Variants in FAT3 observed in about 807,000 individuals in gnomAD.
FAT3 encodes the protein FAT atypical cadherin 3.
FAT3 carries 95 observed loss-of-function variants against 310.2 expected under a neutral mutation model. That is an observed-to-expected ratio of 0.31 (90% CI 0.26 to 0.36). The LOEUF (loss-of-function observed/expected upper bound fraction) is 0.36. Among genes scored for constraint, FAT3 ranks in the 10% least tolerant of loss-of-function variants. The pLI is 1.00. For synonymous variants in FAT3, 2,314 were observed against 2,192.9 expected, an observed-to-expected ratio of 1.06 and a Z score of -1.54; for missense variants, 5,408 against 5,715.6, an observed-to-expected ratio of 0.95 and a Z score of 1.74.
At chr11:92,817,291 T>G (rs576502539) in intron 13 of FAT3, among the ~76,000 whole-genome samples, 1 of 152,332 alleles carries the variant, frequency 6.6e-6, no homozygotes, top group East Asian at 1.9e-4. Flanking sequence ...ATTTAATACA[T>G]GAATGGGCAG....
chr11:92,365,149 G>T (rs1948985381), intron 2 of FAT3, among the ~76,000 whole-genome samples: 1 of 152,002 alleles, frequency 6.6e-6, no homozygotes, highest in Admixed American at 6.6e-5. Context: ...ATGCACCTGT[G>T]GTCCCAGCTA....
Position 92,867,157 on chromosome 11 carries a change from C to T in FAT3, c.12075C>T (p.Cys4025=), listed in dbSNP as rs1259555690. 3 of 1,598,188 alleles carry T rather than the reference C, an allele frequency of 1.9e-6. No homozygotes were observed. The East Asian group carries it at 6.8e-5, about 36-fold the overall frequency. ...GCTGCGTGCTCTATCCCGACGCCTG[C>T]AAGCGCAGCCCGTGCCAGCACGGGG... ...KLGCVLYPDA[C]KRSPCQHGGS... The change falls in exon 22 of 28, where the codon TGC becomes TGT. Residue 4025 remains cysteine, a synonymous_variant. Transcript: ENST00000525166.
intron 6 of FAT3, among the ~76,000 whole-genome samples, chr11:92,773,258 A>T (rs1169339060): frequency 6.6e-6 from 1 of 152,198 alleles, no homozygotes; most frequent in East Asian, 1.9e-4. Context: ...AATCACTCAC[A>T]GACTGTGAGT....
chr11:92,301,763 T>C (rs1429705820), intron 1 of FAT3, among the ~76,000 whole-genome samples: 1 of 152,088 alleles, frequency 6.6e-6, no homozygotes, highest in Non-Finnish European at 1.5e-5. Context: ...AAGGATCAAA[T>C]GTCCAAACTA....
At chr11:92,662,599 A>G (rs573719569) in intron 3 of FAT3, among the ~76,000 whole-genome samples, 8 of 152,242 alleles carry the variant, frequency 5.3e-5, no homozygotes, top group Non-Finnish European at 1.0e-4. Flanking sequence ...TCAAAACCTC[A>G]CAATTAAATT....
At chr11:92,875,767 A>G (rs1949518210) in intron 22 of FAT3, among the ~76,000 whole-genome samples, 1 of 152,170 alleles carries the variant, frequency 6.6e-6, no homozygotes, top group Non-Finnish European at 1.5e-5. Context: ...CACTCAGTCG[A>G]TGTGGATATG....
intron 3 of FAT3, among the ~76,000 whole-genome samples, chr11:92,663,749 C>T (rs747607309): frequency 6.6e-6 from 1 of 152,178 alleles, no homozygotes; most frequent in South Asian, 2.1e-4. Flanking sequence ...TTTCCTCTTA[C>T]TCATTGCCAC....
chr11:92,719,219 G>A (rs1013115042), intron 4 of FAT3, among the ~76,000 whole-genome samples: 1 of 152,140 alleles, frequency 6.6e-6, no homozygotes, highest in African/African-American at 2.4e-5. Context: ...TTAGAGCTGG[G>A]CCAGTTAGCA....
intron 2 of FAT3, among the ~76,000 whole-genome samples, chr11:92,410,973 C>A (rs1410514583): frequency 1.3e-5 from 2 of 149,756 alleles, no homozygotes; most frequent in Non-Finnish European, 3.0e-5. Context: ...GTTTATGGGA[C>A]AACTTCAAAT....
chr11:92,305,559 C>A (rs565909743), intron 1 of FAT3, among the ~76,000 whole-genome samples: 1 of 152,204 alleles, frequency 6.6e-6, no homozygotes, highest in African/African-American at 2.4e-5. Flanking sequence ...ACCTAGCAAA[C>A]ACCAGCTTAA....
At chr11:92,297,895 A>G (rs1946892390) in intron 1 of FAT3, among the ~76,000 whole-genome samples, 1 of 152,088 alleles carries the variant, frequency 6.6e-6, no homozygotes, top group Non-Finnish European at 1.5e-5. Context: ...TTTTATTTGA[A>G]TATTTTGGGA....
At chr11:92,771,160 C>T (rs975021775) in intron 6 of FAT3, among the ~76,000 whole-genome samples, 18 of 152,156 alleles carry the variant, frequency 1.2e-4, no homozygotes, top group Non-Finnish European at 2.2e-4. Context: ...CCCTCCTCCC[C>T]ACCTTTTGTT....
intron 2 of FAT3, among the ~76,000 whole-genome samples, chr11:92,425,017 A>G (rs577105093): frequency 1.3e-5 from 2 of 152,260 alleles, no homozygotes; most frequent in Admixed American, 1.3e-4. Context: ...AATGACAATA[A>G]TCACCCTTTA....
chr11:92,418,303 G>T lies in FAT3; in HGVS notation c.3292+62899G>T, dbSNP rs1950458646. On this transcript the variant is annotated intron_variant, in intron 2 of 27. Coordinates refer to ENST00000525166, the MANE Select transcript of FAT3 (RefSeq NM_001367949.2). Reference sequence around the variant, plus strand: ...TTTAGTGAATGCATTTTAGGTAATGGTCCCCTTAGACCTTAAAGAAGCCAA... The same window carrying T: ...TTTAGTGAATGCATTTTAGGTAATGTTCCCCTTAGACCTTAAAGAAGCCAA... Among the ~76,000 whole-genome samples the T allele has an allele frequency of 2.0e-5, 3 of 151,692 alleles. No homozygotes were observed. In the South Asian group the frequency reaches 6.3e-4, roughly 32 times the overall value.
chr11:92,478,953 T>TCTCTCTCTCTCTCTC (rs1555058223), intron 2 of FAT3, among the ~76,000 whole-genome samples: 1 of 103,950 alleles, frequency 9.6e-6, no homozygotes, highest in African/African-American at 3.9e-5. Context: ...TCTTTCTTTC[T>TCTCTCTCTCTCTCTC]TTTCTTTTCT....
At chr11:92,255,872 G>C (rs1265263290) in intron 1 of FAT3, among the ~76,000 whole-genome samples, 1 of 152,024 alleles carries the variant, frequency 6.6e-6, no homozygotes, top group East Asian at 1.9e-4. Context: ...TAGGTAACAG[G>C]GCCTTTGTTA....
At chr11:92,494,110 G>GGA (rs1030734768) in intron 2 of FAT3, among the ~76,000 whole-genome samples, 8 of 151,470 alleles carry the variant, frequency 5.3e-5, no homozygotes, top group Non-Finnish European at 8.8e-5. Context: ...GAGAATGGCA[G>GGA]GAGAGAGAGA....
At chr11:92,592,194 G>C (rs559272352) in intron 3 of FAT3, among the ~76,000 whole-genome samples, 2 of 151,418 alleles carry the variant, frequency 1.3e-5, no homozygotes, top group East Asian at 3.9e-4. Flanking sequence ...AGTATTAGGG[G>C]AATGAAAAAA....
intron 5 of FAT3, among the ~76,000 whole-genome samples, chr11:92,763,017 G>T (rs561790406): frequency 6.6e-6 from 1 of 152,136 alleles, no homozygotes; most frequent in South Asian, 2.1e-4. Context: ...AAATTAGCTG[G>T]GCATGGTGGT....
Sources: allele counts gnomAD v4.1 joint callset (sites outside exome capture counted in the v4.1 genomes callset), GRCh38; gene constraint gnomAD v4.1.1; transcripts MANE v1.5; gene names NCBI Gene and HGNC (gene_info 2026-07-23, HGNC 2026-07-21).